Variants in SDK1 observed in about 807,000 individuals in gnomAD.
The protein encoded by SDK1 is sidekick cell adhesion molecule 1, also known as protein sidekick-1.
A neutral mutation model predicts 245.5 loss-of-function variants in SDK1; 157 were observed. The ratio of observed to expected loss-of-function variants is 0.64; its 90% confidence interval spans 0.56 to 0.73. The LOEUF is 0.73. SDK1 is among the 30% of genes least tolerant of loss of function. The probability of loss-of-function intolerance (pLI) is 0.00; values close to 1 mark genes in which losing one functional copy is unlikely to be tolerated. For synonymous variants in SDK1, 1,647 were observed against 1,278.5 expected, an observed-to-expected ratio of 1.29 and a Z score of -6.15; for missense variants, 3,583 against 3,002.3, an observed-to-expected ratio of 1.19 and a Z score of -4.52.
Position 4,208,241 on chromosome 7 carries a change from A to G in SDK1, c.5357A>G (p.Asp1786Gly), listed in dbSNP as rs138576249. ...ATATCAGCCTTCAACGCCGCCGGAGATGGACCTAAGAGTGACCCCCAGCAG... is the reference window on the plus strand; with the variant it reads ...ATATCAGCCTTCAACGCCGCCGGAGGTGGACCTAAGAGTGACCCCCAGCAG... ...VSISAFNAAG[D>G]GPKSDPQQGR... Residue 1786 changes from aspartate (D) to glycine (G), a missense_variant, in exon 37 of 45, where the codon GAT (aspartate) becomes GGT (glycine). By Grantham distance (94) the Asp-to-Gly change is moderately conservative. Transcript: ENST00000404826. The G allele has an allele frequency of 2.4e-5, 39 of 1,613,968 alleles. No individual in the cohort carries two copies. In the African/African-American group the frequency reaches 3.3e-4, roughly 14 times the overall value.
intron 1 of SDK1, among the ~76,000 whole-genome samples, chr7:3,507,881 A>G (rs147052759): frequency 1.9e-3 from 290 of 152,250 alleles, no homozygotes; most frequent in Admixed American, 5.4e-3. Flanking sequence ...TTCCATTGCA[A>G]TAATATTCAC....
intron 4 of SDK1, among the ~76,000 whole-genome samples, chr7:3,788,222 G>C (rs890711106): frequency 1.3e-5 from 2 of 152,202 alleles, no homozygotes; most frequent in Non-Finnish European, 2.9e-5. Flanking sequence ...GTCATGGGTG[G>C]CTACTGCTGC....
chr7:3,415,887 T>C (rs960533418), intron 1 of SDK1, among the ~76,000 whole-genome samples: 4 of 152,112 alleles, frequency 2.6e-5, no homozygotes, highest in Non-Finnish European at 2.9e-5. Flanking sequence ...GGGAACAAGA[T>C]AGGGCAGGAC....
intron 1 of SDK1, among the ~76,000 whole-genome samples, chr7:3,539,871 G>A (rs1779003149): frequency 6.6e-6 from 1 of 152,200 alleles, no homozygotes; most frequent in South Asian, 2.1e-4. Flanking sequence ...CCTCAGTATA[G>A]GGGCAGAGAG....
intron 4 of SDK1, among the ~76,000 whole-genome samples, chr7:3,708,222 C>A (rs1303492370): frequency 6.6e-6 from 1 of 152,176 alleles, no homozygotes; most frequent in Non-Finnish European, 1.5e-5. Context: ...CTCACTATCA[C>A]AAGGACAGTA....
At chr7:3,622,061 G>T (rs1433262960) in intron 2 of SDK1, among the ~76,000 whole-genome samples, 2 of 152,158 alleles carry the variant, frequency 1.3e-5, no homozygotes, top group Admixed American at 6.6e-5. Flanking sequence ...TATAGGCTAG[G>T]CTAAACCGTG....
chr7:3,741,233 G>A (rs1281032914), intron 4 of SDK1, among the ~76,000 whole-genome samples: 1 of 152,202 alleles, frequency 6.6e-6, no homozygotes, highest in Non-Finnish European at 1.5e-5. Context: ...TGGCCAGTGT[G>A]TTTTGAGTTT....
Position 3,796,543 on chromosome 7 carries a change from C to T in SDK1, c.714-24907C>T, listed in dbSNP as rs904395350. On this transcript the variant is annotated intron_variant, in intron 4 of 44. Transcript: ENST00000404826. Reference sequence around the variant, plus strand: ...CTCCCCCCCAGCCTACAATCCATTCCAGGACCCCACCTGCTGGCTCCACTT... The same window carrying T: ...CTCCCCCCCAGCCTACAATCCATTCTAGGACCCCACCTGCTGGCTCCACTT... 2.0e-5 allele frequency among the ~76,000 whole-genome samples: 3 copies of T among 152,122 alleles called. No individual in the cohort carries two copies. The East Asian group carries it at 5.8e-4, about 29-fold the overall frequency.
intron 4 of SDK1, among the ~76,000 whole-genome samples, chr7:3,685,903 A>G (rs182093359): frequency 1.3e-5 from 2 of 152,260 alleles, no homozygotes; most frequent in South Asian, 2.1e-4. Flanking sequence ...ATGCATATCA[A>G]TAATTATGTT....
chr7:3,511,529 C>T (rs1461867444), intron 1 of SDK1, among the ~76,000 whole-genome samples: 1 of 152,124 alleles, frequency 6.6e-6, no homozygotes. Context: ...GTCAAATTGT[C>T]AGACTCTGTT....
At chr7:3,596,054 A>C (rs1325536398) in intron 1 of SDK1, among the ~76,000 whole-genome samples, 1 of 151,714 alleles carries the variant, frequency 6.6e-6, no homozygotes, top group African/African-American at 2.4e-5. Flanking sequence ...TATGAAGTAG[A>C]TGCTCAATAA....
chr7:3,909,733 G>C (rs1239262808), intron 5 of SDK1, among the ~76,000 whole-genome samples: 3 of 152,176 alleles, frequency 2.0e-5, no homozygotes, highest in Non-Finnish European at 4.4e-5. Flanking sequence ...AGAAGCTCAG[G>C]GATTAAAGAA....
intron 1 of SDK1, among the ~76,000 whole-genome samples, chr7:3,415,218 A>G (rs1430175253): frequency 6.6e-6 from 1 of 152,244 alleles, no homozygotes; most frequent in Non-Finnish European, 1.5e-5. Flanking sequence ...GCTAGAGGAA[A>G]AAGTGCATAT....
At chr7:3,955,918 A>G (rs532990221) in intron 7 of SDK1, among the ~76,000 whole-genome samples, 25 of 152,188 alleles carry the variant, frequency 1.6e-4, no homozygotes, top group South Asian at 1.2e-3. Flanking sequence ...GAGACTGGGG[A>G]GCTAGAAGCT....
At chr7:4,170,544 C>T (rs1198005109) in intron 32 of SDK1, among the ~76,000 whole-genome samples, 1 of 152,158 alleles carries the variant, frequency 6.6e-6, no homozygotes, top group Non-Finnish European at 1.5e-5. Context: ...AGGATTTCCA[C>T]CACGCCCCCA....
intron 4 of SDK1, among the ~76,000 whole-genome samples, chr7:3,657,985 A>G (rs1378317646): frequency 6.6e-6 from 1 of 152,156 alleles, no homozygotes; most frequent in Non-Finnish European, 1.5e-5. Context: ...CAGCCTGCCC[A>G]TGAGGGTGGT....
At chr7:3,623,888 T>C (rs565843050) in intron 2 of SDK1, among the ~76,000 whole-genome samples, 2 of 152,320 alleles carry the variant, frequency 1.3e-5, no homozygotes, top group Admixed American at 6.5e-5. Flanking sequence ...TATGACAATA[T>C]AAAAATAGAA....
chr7:4,002,068 A>AT (rs1354106580), intron 14 of SDK1, among the ~76,000 whole-genome samples: 2 of 152,260 alleles, frequency 1.3e-5, no homozygotes, highest in African/African-American at 4.8e-5. Flanking sequence ...GCCACTAAAA[A>AT]TTATGTTCCT....
At chr7:3,684,106 C>G (rs1383540383) in intron 4 of SDK1, among the ~76,000 whole-genome samples, 3 of 152,162 alleles carry the variant, frequency 2.0e-5, no homozygotes, top group Non-Finnish European at 4.4e-5. Flanking sequence ...AGCTGATCCT[C>G]CATTCCCTGC....
Sources: allele counts gnomAD v4.1 joint callset (sites outside exome capture counted in the v4.1 genomes callset), GRCh38; gene constraint gnomAD v4.1.1; transcripts MANE v1.5; gene names NCBI Gene and HGNC (gene_info 2026-07-23, HGNC 2026-07-21).